Variants in NIT2 observed in about 807,000 individuals in gnomAD.
NIT2 encodes nitrilase family member 2, also known as omega-amidase NIT2.
A neutral mutation model predicts 42.7 loss-of-function variants in NIT2; 46 were observed. The observed-to-expected ratio is 1.08, with a 90% CI of 0.85 to 1.38. The LOEUF (loss-of-function observed/expected upper bound fraction) is 1.38. Among genes scored for constraint, NIT2 ranks in the 40% most tolerant of loss-of-function variants. The pLI, the probability that NIT2 is intolerant of heterozygous loss-of-function variation, is 0.00. For synonymous variants in NIT2, 123 were observed against 121.9 expected, an observed-to-expected ratio of 1.01 and a Z score of -0.06; for missense variants, 309 against 342.5, an observed-to-expected ratio of 0.90 and a Z score of 0.77.
intron 4 of NIT2, among the ~76,000 whole-genome samples, chr3:100,341,943 T>TGAGACAGGAGAATTGCTTG (rs1183537640): frequency 6.6e-6 from 1 of 151,890 alleles, no homozygotes; most frequent in Non-Finnish European, 1.5e-5. Context: ...CTCAGGAAGC[T>TGAGACAGGAGAATTGCTTG]GAGACAGGAG....
At chr3:100,348,943 T>C (rs1706245075) in intron 7 of NIT2, 62 bp downstream of exon 7, 2 of 1,468,636 alleles carry the variant, frequency 1.4e-6, no homozygotes, top group Non-Finnish European at 9.5e-7. Flanking sequence ...AGATTTCCGG[T>C]TGGGTGGAGG....
rs533510416 is a variant in NIT2, at chr3:100,361,325, T to C, written c.*6057T>C. 1.3e-5 allele frequency: 2 copies of C among 152,192 alleles called. No individual in the cohort carries two copies. Among genetic ancestry groups the C allele is most frequent in the Non-Finnish European group, 2.9e-5 (2 of 68,034 alleles). 9.4% of individuals were successfully genotyped at this position (152,192 alleles called of 1,614,324 possible). ...CAATGTTAGTCATGGTCTTCCTGTA[T>C]TTGCTCTAGGTAAGCTGTTTCATAG... is the stretch of plus-strand genomic sequence containing the variant. On this transcript the variant is annotated 3_prime_UTR_variant, in exon 10 of 10. Transcript: ENST00000394140.
intron 1 of NIT2, among the ~76,000 whole-genome samples, chr3:100,336,846 G>A (rs1291342724): frequency 1.3e-5 from 2 of 152,238 alleles, no homozygotes; most frequent in Non-Finnish European, 1.5e-5. Flanking sequence ...CCTTCCTCTT[G>A]CACTAATCCT....
intron 9 of NIT2, 132 bp downstream of exon 9, chr3:100,354,959 C>A: frequency 3.5e-6 from 3 of 855,684 alleles, no homozygotes; most frequent in South Asian, 1.7e-5. Flanking sequence ...TGGGGATATT[C>A]TAGGGTCTGG....
intron 5 of NIT2, 126 bp downstream of exon 5, chr3:100,345,804 G>C (rs1706210693): frequency 1.5e-6 from 1 of 673,730 alleles, no homozygotes; most frequent in Admixed American, 2.6e-5. Flanking sequence ...GAGAAAGGCA[G>C]AGAATCATCA....
rs1324010853 is a variant in NIT2, at chr3:100,357,271, CTTG to C, written c.*2005_*2007del. 6.6e-6 allele frequency: 1 copy of C among 152,122 alleles called. No individual in the cohort carries two copies. Among genetic ancestry groups the C allele is most frequent in the Non-Finnish European group, 1.5e-5 (1 of 68,032 alleles). 9.4% of individuals were successfully genotyped at this position (152,122 alleles called of 1,614,324 possible). A position where few individuals can be genotyped will look rare whatever the true frequency, so the allele number is the denominator to read the frequency against. ...CTAGCAGGCACACTGAAAGTTAAAC[CTTG>C]TAATAGTGCGAAATCATTTTCTTTT... On this transcript the variant is annotated 3_prime_UTR_variant, in exon 10 of 10. Coordinates refer to ENST00000394140, the MANE Select transcript of NIT2 (RefSeq NM_020202.5).
chr3:100,344,537 T>G (rs1183534542), intron 4 of NIT2, among the ~76,000 whole-genome samples: 1 of 152,236 alleles, frequency 6.6e-6, no homozygotes, highest in African/African-American at 2.4e-5. Flanking sequence ...TTATTACGCT[T>G]TCTTTACTTT....
intron 8 of NIT2, 76 bp downstream of exon 8, chr3:100,352,578 T>C: frequency 1.8e-6 from 2 of 1,129,834 alleles, no homozygotes; most frequent in South Asian, 1.3e-5. Flanking sequence ...ATGGGTTTTC[T>C]GGTTCCTGAG....
intron 8 of NIT2, 35 bp downstream of exon 8, chr3:100,352,537 A>T: frequency 6.6e-7 from 1 of 1,520,660 alleles, no homozygotes; most frequent in Non-Finnish European, 9.1e-7. Flanking sequence ...GCTCAGTCGG[A>T]GCTTGAGCTT....
intron 4 of NIT2, among the ~76,000 whole-genome samples, chr3:100,341,372 A>G (rs925117596): frequency 6.6e-6 from 1 of 152,036 alleles, no homozygotes; most frequent in Admixed American, 6.6e-5. Flanking sequence ...GGAACAAGCT[A>G]TAGTAATTTT....
intron 8 of NIT2, among the ~76,000 whole-genome samples, chr3:100,353,777 CTT>C (rs397728358): frequency 7.1e-5 from 10 of 140,262 alleles, no homozygotes; most frequent in Admixed American, 7.1e-5. Flanking sequence ...TTTCTTTTTT[CTT>C]TTTTTTTTTT....
intron 6 of NIT2, 128 bp from the exon 7 acceptor site, chr3:100,348,675 C>A: frequency 1.5e-6 from 1 of 673,518 alleles, no homozygotes; most frequent in South Asian, 1.8e-5. Flanking sequence ...CACTGTCTGA[C>A]TTGGCTGACA....
At chr3:100,342,236 T>G (rs1228756533) in intron 4 of NIT2, among the ~76,000 whole-genome samples, 2 of 152,224 alleles carry the variant, frequency 1.3e-5, no homozygotes, top group African/African-American at 2.4e-5. Flanking sequence ...TCCAGTTCTT[T>G]GTTCTCAAGC....
intron 1 of NIT2, among the ~76,000 whole-genome samples, chr3:100,337,778 T>C (rs994297810): frequency 6.6e-5 from 10 of 152,222 alleles, no homozygotes; most frequent in African/African-American, 2.4e-4. Flanking sequence ...AAAATTATTA[T>C]CTGGCCAGGC....
chr3:100,352,164 A>G (rs546688484), intron 7 of NIT2, among the ~76,000 whole-genome samples: 27 of 152,336 alleles, frequency 1.8e-4, no homozygotes, highest in African/African-American at 5.5e-4. Flanking sequence ...TGTTGGTGGG[A>G]CTGTAAACTA....
At chr3:100,343,051 CTT>C (rs146735909) in intron 4 of NIT2, among the ~76,000 whole-genome samples, 3 of 142,948 alleles carry the variant, frequency 2.1e-5, no homozygotes, top group African/African-American at 2.5e-5. Context: ...GTTATCTAGC[CTT>C]TTTTTTTTTC....
At chr3:100,340,858 G>T (rs190813668) in intron 3 of NIT2, among the ~76,000 whole-genome samples, 2 of 147,882 alleles carry the variant, frequency 1.4e-5, no homozygotes, top group Admixed American at 1.3e-4. Context: ...ATTCAAGAAG[G>T]AAAAAAAAAA....
chr3:100,335,657 A>T (rs1469609709), intron 1 of NIT2, among the ~76,000 whole-genome samples: 1 of 152,190 alleles, frequency 6.6e-6, no homozygotes, highest in Admixed American at 6.5e-5. Flanking sequence ...TGAGATGTGT[A>T]GGAGAGGAAG....
At position 100,352,488 on chromosome 3, in the gene NIT2, C is replaced by T. The variant is rs112096266; in HGVS notation, c.669C>T (p.Thr223=). 1.1e-3 allele frequency: 1,755 copies of T among 1,612,670 alleles called. 13 individuals are homozygous for T. The African/African-American group carries it at 0.02, about 18-fold the overall frequency. The change falls in exon 8 of 10, where the codon ACC becomes ACT. Residue 223 remains threonine (T), a synonymous_variant. Coordinates refer to ENST00000394140, the MANE Select transcript of NIT2 (RefSeq NM_020202.5). ...CCTATGTTGCCTGGGGACACAGCAC[C>T]GTGGTGAACCCTTGGTGAGTAAGGC... is the stretch of plus-strand genomic sequence containing the variant. The part of the protein sequence containing the change: ...KASYVAWGHS[T]VVNPWGEVLA...
Sources: gnomAD v4.1 joint callset for allele counts (sites outside exome capture counted in the v4.1 genomes callset) on GRCh38, gnomAD v4.1.1 for gene constraint, MANE v1.5 for transcripts, NCBI Gene and HGNC (gene_info 2026-07-23, HGNC 2026-07-21) for gene names.